The following C9orf85 variants were observed in gnomAD, a reference collection of about 807,000 sequenced individuals.
The protein encoded by C9orf85 is uncharacterized protein C9orf85.
Under a neutral mutation model 14.9 loss-of-function variants are expected in C9orf85, and 16 were observed. The ratio of observed to expected loss-of-function variants is 1.08; its 90% CI spans 0.73 to 1.63. C9orf85 has a LOEUF of 1.63. Among genes scored for constraint, C9orf85 ranks in the 40% most tolerant of loss-of-function variants. The pLI, the probability that C9orf85 is intolerant of heterozygous loss-of-function variation, is 0.00. For synonymous variants in C9orf85, 45 were observed against 56.8 expected, an observed-to-expected ratio of 0.79 and a Z score of 0.93; for missense variants, 172 against 186.1, an observed-to-expected ratio of 0.92 and a Z score of 0.44.
downstream of C9orf85, among the ~76,000 whole-genome samples, chr9:71,977,178 C>G (rs1367346881): frequency 6.7e-6 from 1 of 149,392 alleles, no homozygotes; most frequent in Non-Finnish European, 1.5e-5. Context: ...GCACCCATAT[C>G]TGTAAAAAAA....
downstream of C9orf85, chr9:71,985,792 G>A (rs1336135376): frequency 6.6e-6 from 1 of 152,152 alleles, no homozygotes; most frequent in Non-Finnish European, 1.5e-5. Context: ...TCTAGACCTG[G>A]CCTTCTCAAG....
chr9:71,968,603 ATTC>A (rs1302021058), intron 2 of C9orf85, among the ~76,000 whole-genome samples: 1 of 152,172 alleles, frequency 6.6e-6, no homozygotes, highest in African/African-American at 2.4e-5. Context: ...TTTTCCCATT[ATTC>A]TTTGTTTTTT....
chr9:71,929,968 A>G (rs1206289922), intron 1 of C9orf85, among the ~76,000 whole-genome samples: 2 of 150,422 alleles, frequency 1.3e-5, no homozygotes, highest in African/African-American at 2.5e-5. Context: ...TCATCTGCAA[A>G]ACGAGGATAA....
intron 2 of C9orf85, among the ~76,000 whole-genome samples, chr9:71,966,678 A>G (rs1033278300): frequency 7.9e-5 from 12 of 152,206 alleles, no homozygotes; most frequent in Non-Finnish European, 1.6e-4. Context: ...TTGATGTTAC[A>G]GAGAGAATGG....
At chr9:71,963,429 C>T (rs1269055688) in intron 2 of C9orf85, among the ~76,000 whole-genome samples, 1 of 152,114 alleles carries the variant, frequency 6.6e-6, no homozygotes, top group African/African-American at 2.4e-5. Context: ...CCTGGGCTCC[C>T]ACTTTGGCGG....
At chr9:71,967,167 G>C (rs937937087) in intron 2 of C9orf85, among the ~76,000 whole-genome samples, 3 of 152,040 alleles carry the variant, frequency 2.0e-5, no homozygotes, top group Non-Finnish European at 4.4e-5. Context: ...CCTAGCTGAG[G>C]GTTCTTCTTC....
At position 71,973,412 on chromosome 9, in the gene C9orf85, A is replaced by G. The variant is rs1178839030; in HGVS notation, c.*570A>G. 6.6e-6 allele frequency: 1 copy of G among 152,196 alleles called. No homozygotes were observed. The highest frequency in any genetic ancestry group is 1.5e-5 in the Non-Finnish European group (1 of 68,034). The allele number at this position is 152,196 out of a possible 1,614,324, so 9.4% of individuals were successfully genotyped here. A position where few individuals can be genotyped will look rare whatever the true frequency, so the allele number is the denominator to read the frequency against. On this transcript the variant is annotated 3_prime_UTR_variant, in exon 4 of 4. Transcript: ENST00000334731. Reference sequence around the variant, plus strand: ...ATTGCCTCAAAAATTGGTCCTCGGTAAGTGCCTTTTGATAAATGATCTCAA... The same window carrying G: ...ATTGCCTCAAAAATTGGTCCTCGGTGAGTGCCTTTTGATAAATGATCTCAA...
intron 2 of C9orf85, among the ~76,000 whole-genome samples, chr9:71,961,158 C>A (rs1394478998): frequency 6.6e-6 from 1 of 152,032 alleles, no homozygotes; most frequent in Non-Finnish European, 1.5e-5. Flanking sequence ...GTGATCCGCC[C>A]ACCTCGGTCT....
At chr9:71,980,792 C>T (rs1823084257) in intron 3 of C9orf85, among the ~76,000 whole-genome samples, 2 of 152,158 alleles carry the variant, frequency 1.3e-5, no homozygotes, top group South Asian at 2.1e-4. Flanking sequence ...CTATGTTTCT[C>T]GTCTCTGCAA....
chr9:71,930,050 G>A (rs1828033315), intron 1 of C9orf85, among the ~76,000 whole-genome samples: 1 of 150,720 alleles, frequency 6.6e-6, no homozygotes, highest in Non-Finnish European at 1.5e-5. Flanking sequence ...TTAGACATGT[G>A]GTTTGTAGAT....
intron 2 of C9orf85, among the ~76,000 whole-genome samples, chr9:71,959,349 C>T (rs1822456215): frequency 6.6e-6 from 1 of 151,912 alleles, no homozygotes; most frequent in South Asian, 2.1e-4. Flanking sequence ...GTTGGTCAGG[C>T]TGGTCTCAAA....
At chr9:71,963,905 C>G (rs931063418) in intron 2 of C9orf85, among the ~76,000 whole-genome samples, 1 of 152,198 alleles carries the variant, frequency 6.6e-6, no homozygotes, top group Non-Finnish European at 1.5e-5. Context: ...ATCAACCACC[C>G]AAGGGCTGAG....
chr9:71,916,398 CTT>C (rs755387209), intron 1 of C9orf85, among the ~76,000 whole-genome samples: 36 of 152,010 alleles, frequency 2.4e-4, no homozygotes, highest in Non-Finnish European at 4.4e-4. Flanking sequence ...GATCAAATCA[CTT>C]TGGAAATACT....
intron 3 of C9orf85, among the ~76,000 whole-genome samples, chr9:71,971,975 C>CAAAAAAA (rs1280978130): frequency 3.8e-5 from 2 of 53,252 alleles, no homozygotes; most frequent in Non-Finnish European, 7.9e-5. Flanking sequence ...GACTCCATCT[C>CAAAAAAA]AAAAAAAAAA....
chr9:71,950,792 A>G (rs1307943826), intron 2 of C9orf85, among the ~76,000 whole-genome samples: 1 of 152,216 alleles, frequency 6.6e-6, no homozygotes, highest in African/African-American at 2.4e-5. Context: ...TAAATGATGT[A>G]GATAAAGAAA....
chr9:71,981,522 G>C (rs1361938050), intron 3 of C9orf85, among the ~76,000 whole-genome samples: 2 of 152,220 alleles, frequency 1.3e-5, no homozygotes, highest in East Asian at 3.8e-4. Context: ...AGGAGTCACT[G>C]TCCCTTGAGT....
intron 1 of C9orf85, 80 bp downstream of exon 1, chr9:71,911,916 G>C: frequency 7.8e-7 from 1 of 1,288,154 alleles, no homozygotes; most frequent in Non-Finnish European, 1.1e-6. Context: ...AATGAGAGGA[G>C]TCGGCTGGGG....
intron 1 of C9orf85, among the ~76,000 whole-genome samples, chr9:71,921,212 G>A (rs1466497351): frequency 1.3e-5 from 2 of 152,104 alleles, no homozygotes; most frequent in Non-Finnish European, 2.9e-5. Flanking sequence ...TGTTTTGTGG[G>A]GGGAAATTTG....
At chr9:71,965,088 CA>C (rs1309206112) in intron 2 of C9orf85, among the ~76,000 whole-genome samples, 1 of 152,116 alleles carries the variant, frequency 6.6e-6, no homozygotes, top group African/African-American at 2.4e-5. Flanking sequence ...CGAGCAGTAA[CA>C]AACAGACCAG....
Sources: allele counts gnomAD v4.1 joint callset (sites outside exome capture counted in the v4.1 genomes callset), GRCh38; gene constraint gnomAD v4.1.1; transcripts MANE v1.5; gene names NCBI Gene and HGNC (gene_info 2026-07-23, HGNC 2026-07-21).